The following UBE3D variants were observed in gnomAD, a reference collection of about 807,000 sequenced individuals.
UBE3D encodes ubiquitin protein ligase E3D, also known as E3 ubiquitin-protein ligase E3D.
A neutral mutation model predicts 49.6 loss-of-function variants in UBE3D; 48 were observed. The observed-to-expected ratio is 0.97, with a 90% CI of 0.77 to 1.23. The LOEUF (loss-of-function observed/expected upper bound fraction) is 1.23, where lower values mean the gene tolerates loss of function less well. Among genes scored for constraint, UBE3D ranks in the 50% most tolerant of loss-of-function variants. The probability of loss-of-function intolerance (pLI) is 0.00; values close to 1 mark genes in which losing one functional copy is unlikely to be tolerated. For missense variants in UBE3D, 452 were observed against 468.4 expected (o/e 0.96, Z 0.32); for synonymous variants, 189 against 174.2 (o/e 1.08, Z -0.67).
At chr6:82,977,385 C>G (rs1050678390) in intron 8 of UBE3D, among the ~76,000 whole-genome samples, 2 of 152,100 alleles carry the variant, frequency 1.3e-5, no homozygotes, top group African/African-American at 4.8e-5. Context: ...TCTACCCAAC[C>G]TTTCTATCCA....
At chr6:83,017,485 C>T (rs1170469014) in intron 8 of UBE3D, 3 of 151,828 alleles carry the variant, frequency 2.0e-5, no homozygotes, top group African/African-American at 7.3e-5. Flanking sequence ...AAACCCAAGC[C>T]CTCAAAAAGA....
chr6:83,033,547 G>A (rs1782030642), intron 5 of UBE3D, among the ~76,000 whole-genome samples: 1 of 152,048 alleles, frequency 6.6e-6, no homozygotes, highest in South Asian at 2.1e-4. Flanking sequence ...ACTCATGATG[G>A]TGAGTGAGTG....
intron 3 of UBE3D, chr6:83,049,621 C>A: frequency 3.1e-6 from 1 of 321,950 alleles, no homozygotes; most frequent in South Asian, 2.6e-5. Flanking sequence ...CCTGACATCT[C>A]ATGTTTCCCA....
intron 1 of UBE3D, among the ~76,000 whole-genome samples, chr6:83,064,149 T>C (rs1784350295): frequency 1.3e-5 from 2 of 152,236 alleles, no homozygotes; most frequent in Non-Finnish European, 1.5e-5. Context: ...AAAGTATATA[T>C]TGTATGAATC....
chr6:83,030,372 T>A (rs961050426), intron 5 of UBE3D, among the ~76,000 whole-genome samples: 1 of 152,166 alleles, frequency 6.6e-6, no homozygotes, highest in Non-Finnish European at 1.5e-5. Context: ...TGATAATGAA[T>A]AAGTCTCATG....
chr6:83,038,714 C>A (rs1433911422), intron 4 of UBE3D, among the ~76,000 whole-genome samples: 1 of 152,196 alleles, frequency 6.6e-6, no homozygotes, highest in Non-Finnish European at 1.5e-5. Context: ...CCAGCCACTT[C>A]TTGATAGTCC....
At chr6:83,019,550 T>C (rs1385954109) in intron 7 of UBE3D, among the ~76,000 whole-genome samples, 2 of 152,146 alleles carry the variant, frequency 1.3e-5, no homozygotes, top group African/African-American at 2.4e-5. Context: ...ATTTACCAGA[T>C]TGGCAAATAT....
chr6:82,959,240 C>T (rs918220786), intron 8 of UBE3D, among the ~76,000 whole-genome samples: 12 of 150,960 alleles, frequency 7.9e-5, no homozygotes, highest in African/African-American at 2.9e-4. Flanking sequence ...AGTTCCCCCA[C>T]CCCCCTCAAA....
intron 5 of UBE3D, among the ~76,000 whole-genome samples, chr6:83,035,710 G>A (rs1782198963): frequency 6.6e-6 from 1 of 152,150 alleles, no homozygotes; most frequent in South Asian, 2.1e-4. Context: ...ATTACAGTGG[G>A]TACTTAGTGG....
intron 9 of UBE3D, among the ~76,000 whole-genome samples, chr6:82,913,038 C>A (rs1406029061): frequency 6.6e-6 from 1 of 152,186 alleles, no homozygotes; most frequent in Non-Finnish European, 1.5e-5. Flanking sequence ...TAGTTATTAA[C>A]TGAAAGCCCA....
chr6:82,909,047 A>C (rs1163913873), intron 9 of UBE3D, among the ~76,000 whole-genome samples: 1 of 152,154 alleles, frequency 6.6e-6, no homozygotes, highest in East Asian at 1.9e-4. Context: ...AGTCACAGGG[A>C]GTGTGGCAAG....
chr6:83,058,802 G>C (rs1007956277), intron 1 of UBE3D, among the ~76,000 whole-genome samples: 5 of 152,166 alleles, frequency 3.3e-5, no homozygotes, highest in Non-Finnish European at 5.9e-5. Flanking sequence ...AAATCTTATA[G>C]CTACTTTCTG....
intron 8 of UBE3D, among the ~76,000 whole-genome samples, chr6:82,961,923 T>C (rs1776580130): frequency 6.6e-6 from 1 of 151,548 alleles, no homozygotes. Flanking sequence ...GATCATGCCA[T>C]TGCTCTCCAG....
At chr6:82,946,470 G>C (rs552522178) in intron 9 of UBE3D, among the ~76,000 whole-genome samples, 2 of 152,154 alleles carry the variant, frequency 1.3e-5, no homozygotes, top group African/African-American at 4.8e-5. Flanking sequence ...AACAACTGAG[G>C]AATTTCAACA....
chr6:82,933,135 C>G (rs55791162), intron 9 of UBE3D, among the ~76,000 whole-genome samples: 5,542 of 152,226 alleles, frequency 0.036, 145 homozygotes, highest in Middle Eastern at 0.11. Flanking sequence ...AAGGCATCAC[C>G]TTCACAGTAT....
At chr6:83,009,357 A>G (rs1387779969) in intron 8 of UBE3D, among the ~76,000 whole-genome samples, 1 of 152,026 alleles carries the variant, frequency 6.6e-6, no homozygotes, top group African/African-American at 2.4e-5. Context: ...ACCACTGCAT[A>G]AACATTAATT....
chr6:83,022,181 C>T (rs1356719967), intron 7 of UBE3D, among the ~76,000 whole-genome samples: 2 of 152,090 alleles, frequency 1.3e-5, no homozygotes, highest in African/African-American at 4.8e-5. Flanking sequence ...CATGGGCCAC[C>T]ATGTCAGGCT....
chr6:82,921,382 G>GC (rs1416384753), intron 9 of UBE3D, among the ~76,000 whole-genome samples: 1 of 152,138 alleles, frequency 6.6e-6, no homozygotes, highest in East Asian at 1.9e-4. Context: ...TAAGGCTTCT[G>GC]CCCATCCTGG....
At chr6:83,064,242 TGAGACGG>T (rs1784356894) in intron 1 of UBE3D, among the ~76,000 whole-genome samples, 1 of 152,238 alleles carries the variant, frequency 6.6e-6, no homozygotes. Flanking sequence ...TTTTATTTTT[TGAGACGG>T]AGTCTCTTTC....
Sources: allele counts gnomAD v4.1 joint callset (sites outside exome capture counted in the v4.1 genomes callset), GRCh38; gene constraint gnomAD v4.1.1; transcripts MANE v1.5; gene names NCBI Gene and HGNC (gene_info 2026-07-23, HGNC 2026-07-21).